ALG13: variants seen among roughly 807,000 people sequenced by gnomAD.
ALG13 encodes the protein ALG13 UDP-N-acetylglucosaminyltransferase subunit, also known as UDP-N-acetylglucosamine transferase subunit ALG13.
In ALG13, 11 loss-of-function variants were observed where a neutral mutation model predicts 87.8. That is an observed-to-expected ratio of 0.13 (90% CI 0.08 to 0.21). The LOEUF (loss-of-function observed/expected upper bound fraction) is 0.21, where lower values mean the gene tolerates loss of function less well. Ranked by LOEUF, ALG13 falls within the 10% of genes least tolerant of loss-of-function variation. The pLI, the probability that ALG13 is intolerant of heterozygous loss-of-function variation, is 1.00. For missense variants in ALG13, 756 were observed against 866.1 expected (o/e 0.87, Z 1.60); for synonymous variants, 320 against 306.3 (o/e 1.04, Z -0.47).
At chrX:111,694,136 C>T (rs760892129) in intron 3 of ALG13, among the ~76,000 whole-genome samples, 25 of 110,492 alleles carry the variant, frequency 2.3e-4, no homozygotes, top group Non-Finnish European at 3.8e-4. Flanking sequence ...CTCCGCCTCT[C>T]GGGTTCACGC....
rs754847430 is a variant in ALG13 at position 111,728,275 on chromosome X, T to G, written c.2338T>G (p.Leu780Val). The change falls in exon 19 of 27, where the codon TTA (leucine) becomes GTA (valine). Residue 780 changes from leucine (L) to valine (V), a missense_variant. Physicochemically the swap from Leu to Val is conservative, Grantham distance 32. Around this residue, in one of 9 missense-constraint regions of ALG13, gnomAD observed 362 missense variants for 383.5 expected, o/e 0.94. Transcript: ENST00000394780. ...GHSSGKQTLN[L>V]EEGNGQSENG... ...TAGCTCAGGCAAACAGACTTTGAAT[T>G]TAGAGGAGGGCAATGGCCAGAGTGA... 6.0e-5 allele frequency: 72 copies of G among 1,209,895 alleles called. No individual in the cohort carries two copies. In the South Asian group the frequency reaches 1.3e-3, roughly 21 times the overall value.
At chrX:111,742,573 GGT>G (rs1226752089) in intron 23 of ALG13, among the ~76,000 whole-genome samples, 1 of 112,193 alleles carries the variant, frequency 8.9e-6, no homozygotes. Context: ...TCAGGTTTAA[GGT>G]GCATTGAGTA....
intron 10 of ALG13, 67 bp from the exon 11 acceptor site, chrX:111,720,028 C>T: frequency 2.6e-6 from 2 of 759,607 alleles, no homozygotes; most frequent in Non-Finnish European, 3.8e-6. Context: ...GTGGTGTAGT[C>T]ATTAGGCTTA....
chrX:111,688,354 A>G (rs1254559341), intron 3 of ALG13: 7 of 712,888 alleles, frequency 9.8e-6, no homozygotes, highest in Non-Finnish European at 1.2e-5. Flanking sequence ...TAAAAAAATG[A>G]AACAGTAACA....
chrX:111,700,927 G>A (rs1937751399), intron 3 of ALG13, among the ~76,000 whole-genome samples: 1 of 109,422 alleles, frequency 9.1e-6, no homozygotes, highest in Non-Finnish European at 1.9e-5. Context: ...TCATTATGAA[G>A]GGGTGTTGAA....
chrX:111,700,023 TC>T (rs1414689805), intron 3 of ALG13, among the ~76,000 whole-genome samples: 2 of 105,315 alleles, frequency 1.9e-5, no homozygotes, highest in Non-Finnish European at 3.9e-5. Flanking sequence ...GGGATATTGT[TC>T]CGTTTATTTG....
At chrX:111,729,518 T>C (rs1402066935) in intron 19 of ALG13, among the ~76,000 whole-genome samples, 2 of 111,809 alleles carry the variant, frequency 1.8e-5, no homozygotes, top group East Asian at 5.6e-4. Context: ...TCTGCTCTCT[T>C]ATTTAGATGA....
In ALG13 at chrX:111,728,225, G is replaced by C. The variant is rs1302894860; in HGVS notation, c.2288G>C (p.Gly763Ala). The change falls in exon 19 of 27, where the codon GGA becomes GCA. Residue 763 changes from glycine to alanine, a missense_variant. By Grantham distance (60) the Gly-to-Ala change is moderately conservative (BLOSUM62 0). Transcript: ENST00000394780. The stretch of plus-strand genomic sequence containing the variant: ...TCTACAATGGTTCCTGCTACTTCAG[G>C]ATACTGTGTTGGAAGGCGGGGACAT... ...GPSTMVPATS[G>A]YCVGRRGHSS... 2.5e-6 allele frequency: 3 copies of C among 1,209,668 alleles called. No homozygotes were observed. The African/African-American group carries it at 5.2e-5, about 21-fold the overall frequency.
At chrX:111,732,741 AC>A (rs1485825951) in intron 21 of ALG13, among the ~76,000 whole-genome samples, 2 of 111,862 alleles carry the variant, frequency 1.8e-5, no homozygotes, top group Non-Finnish European at 3.8e-5. Context: ...TAGACAATAT[AC>A]CTTAGGAAGG....
At chrX:111,681,880 C>T (rs1933429323) in intron 1 of ALG13, 16 of 910,442 alleles carry the variant, frequency 1.8e-5, no homozygotes, top group Admixed American at 1.2e-4. Flanking sequence ...ACTCCTTTTC[C>T]AAAGTCTTTT....
chrX:111,681,836 A>G, intron 1 of ALG13: 1 of 875,225 alleles, frequency 1.1e-6, no homozygotes. Flanking sequence ...AGTGAGGCAG[A>G]ACGGGTAGTG....
chrX:111,759,656 C>T (rs930149887), intron 26 of ALG13, 78 bp from the exon 27 acceptor site: 44 of 837,269 alleles, frequency 5.3e-5, no homozygotes, highest in Non-Finnish European at 7.1e-5. Flanking sequence ...CACATAAGAA[C>T]ATCCATTTAT....
In ALG13 at chrX:111,708,954, CTT is replaced by C. The variant is rs1939249797; in HGVS notation, c.751-10_751-9del. 5 of 1,154,671 alleles carry C rather than the reference CTT, an allele frequency of 4.3e-6. No individual in the cohort carries two copies. Among genetic ancestry groups the C allele is most frequent in the Non-Finnish European group, 4.7e-6 (4 of 856,977 alleles). ...CTACTGACAGTGGGCTGGTCTTTCT[CTT>C]CTTTTTAGTTGTTTTGCAGCCAGGT... On this transcript the variant is annotated splice_polypyrimidine_tract_variant and intron_variant, in intron 4 of 26. Transcript: ENST00000394780.
At chrX:111,687,225 A>G (rs770743706) in intron 3 of ALG13, among the ~76,000 whole-genome samples, 1 of 112,658 alleles carries the variant, frequency 8.9e-6, no homozygotes, top group African/African-American at 3.2e-5. Context: ...GATTACAGGC[A>G]TGAGCCACCA....
At position 111,752,884 on chromosome X, in the gene ALG13, G is replaced by A. The variant is rs748755196; in HGVS notation, c.2973+54G>A. 188 of 956,086 alleles carry A rather than the reference G, an allele frequency of 2.0e-4. No individual in the cohort carries two copies. The East Asian group carries it at 4.5e-3, about 23-fold the overall frequency. The allele number at this position is 956,086 out of a possible 1,213,427, so 78.8% of individuals were successfully genotyped here. ...AAGCCCTATTTTCAAAGTATAGACC[G>A]TTTTGATAATCAGACTCTTGAACTT... On this transcript the variant is annotated intron_variant, in intron 25 of 26. Transcript: ENST00000394780.
intron 23 of ALG13, 74 bp from the exon 24 acceptor site, chrX:111,744,594 A>AC: frequency 9.3e-7 from 1 of 1,078,435 alleles, no homozygotes; most frequent in Non-Finnish European, 1.2e-6. Flanking sequence ...TGGAGACAAG[A>AC]AAAGTAGATG....
chrX:111,703,829 A>T (rs1938310521), intron 3 of ALG13, among the ~76,000 whole-genome samples: 1 of 112,169 alleles, frequency 8.9e-6, no homozygotes, highest in Non-Finnish European at 1.9e-5. Context: ...AGCTACTATA[A>T]ACATTCACAT....
At chrX:111,732,783 C>T (rs988102340) in intron 21 of ALG13, among the ~76,000 whole-genome samples, 1 of 111,853 alleles carries the variant, frequency 8.9e-6, no homozygotes, top group Non-Finnish European at 1.9e-5. Context: ...AATTCTCTTT[C>T]TGTTCTTTCT....
intron 23 of ALG13, among the ~76,000 whole-genome samples, chrX:111,740,644 CAA>C (rs778632618): frequency 2.3e-4 from 25 of 110,809 alleles, no homozygotes; most frequent in African/African-American, 7.9e-4. Flanking sequence ...AGGAACATAT[CAA>C]AGAGTATAGG....
Sources: allele counts gnomAD v4.1 joint callset (sites outside exome capture counted in the v4.1 genomes callset), GRCh38; gene constraint gnomAD v4.1.1; regional missense constraint gnomAD v4.1.1; transcripts MANE v1.5; gene names NCBI Gene and HGNC (gene_info 2026-07-23, HGNC 2026-07-21).